The following LNX1 variants were observed in gnomAD, a reference collection of about 807,000 sequenced individuals.
LNX1 encodes E3 ubiquitin-protein ligase LNX.
LNX1 carries 54 observed loss-of-function variants against 68.4 expected under a neutral mutation model. That is an observed-to-expected ratio of 0.79 (90% CI 0.63 to 0.99). The LOEUF (loss-of-function observed/expected upper bound fraction) is 0.99, where lower values mean the gene tolerates loss of function less well. Among genes scored for constraint, LNX1 ranks in the 50% least tolerant of loss-of-function variants. The pLI, the probability that LNX1 is intolerant of heterozygous loss-of-function variation, is 0.00. For missense variants in LNX1, 906 were observed against 926.4 expected, an observed-to-expected ratio of 0.98 and a Z score of 0.29; for synonymous variants, 336 against 350.0, an observed-to-expected ratio of 0.96 and a Z score of 0.45.
chr4:53,485,535 C>T (rs1410691851), intron 6 of LNX1, among the ~76,000 whole-genome samples: 1 of 152,196 alleles, frequency 6.6e-6, no homozygotes, highest in African/African-American at 2.4e-5. Context: ...AATAACACTA[C>T]AATAAATAAT....
chr4:53,519,134 C>T (rs555815719), intron 2 of LNX1, among the ~76,000 whole-genome samples: 103 of 152,320 alleles, frequency 6.8e-4, no homozygotes, highest in African/African-American at 2.4e-3. Flanking sequence ...GCCCCTCTTC[C>T]TCTCCAAAAA....
intron 1 of LNX1, among the ~76,000 whole-genome samples, chr4:53,648,141 T>C (rs927720932): frequency 6.6e-6 from 1 of 152,254 alleles, no homozygotes; most frequent in Non-Finnish European, 1.5e-5. Context: ...TGCTGGGTCA[T>C]TGACAATTCT....
At chr4:53,504,746 T>C (rs1453474539) in intron 4 of LNX1, among the ~76,000 whole-genome samples, 3 of 152,234 alleles carry the variant, frequency 2.0e-5, no homozygotes, top group Non-Finnish European at 4.4e-5. Context: ...GTAGGGTTAC[T>C]AATTGGCTTA....
In LNX1 at chr4:53,566,278, C is replaced by T. The variant is rs1730683017; in HGVS notation, c.380+7345G>A. On this transcript the variant is annotated intron_variant, in intron 2 of 10. Transcript: ENST00000263925. The stretch of plus-strand genomic sequence containing the variant: ...GTCGGGTTACCCTCAAAGGGAAGCC[C>T]ATCAGACTAACAGCGGATCTCTCTG... 2.6e-5 allele frequency among the ~76,000 whole-genome samples: 4 copies of T among 151,304 alleles called. No individual in the cohort carries two copies. The South Asian group carries it at 8.3e-4, about 32-fold the overall frequency.
intron 2 of LNX1, among the ~76,000 whole-genome samples, chr4:53,568,980 G>A (rs1286877963): frequency 6.6e-6 from 1 of 151,324 alleles, no homozygotes; most frequent in African/African-American, 2.4e-5. Context: ...TCTTCAAGGA[G>A]AACTACAAAC....
chr4:53,561,350 C>T (rs1195061105), intron 2 of LNX1, among the ~76,000 whole-genome samples: 1 of 152,122 alleles, frequency 6.6e-6, no homozygotes, highest in Non-Finnish European at 1.5e-5. Flanking sequence ...GCCTCAGCCT[C>T]CCGAGTAGCT....
intron 2 of LNX1, chr4:53,539,153 C>G (rs1728580910): frequency 6.6e-6 from 1 of 152,216 alleles, no homozygotes; most frequent in African/African-American, 2.4e-5. Flanking sequence ...ATAAAAGGAG[C>G]TCAGTGTGCT....
At position 53,520,185 on chromosome 4, in the gene LNX1, C is replaced by T. The variant is rs1310907523; in HGVS notation, c.381-11958G>A. Among the ~76,000 whole-genome samples the T allele has an allele frequency of 2.0e-5, 3 of 152,190 alleles. No homozygotes were observed. The East Asian group carries it at 5.8e-4, about 29-fold the overall frequency. ...CACCCCCAAACTGCTGCTGAAGGCA[C>T]AGCCTCTCACAGCAACCCCTGCGGG... is the stretch of plus-strand genomic sequence containing the variant. On this transcript the variant is annotated intron_variant, in intron 2 of 10. Coordinates refer to ENST00000263925, the MANE Select transcript of LNX1 (RefSeq NM_001126328.3).
chr4:53,649,214 A>T, intron 1 of LNX1, among the ~76,000 whole-genome samples: 1 of 152,318 alleles, frequency 6.6e-6, no homozygotes, highest in South Asian at 2.1e-4. Context: ...CTTCTGCTTC[A>T]CCAGTGCCCT....
intron 2 of LNX1, among the ~76,000 whole-genome samples, chr4:53,562,459 C>G (rs1730355408): frequency 6.6e-6 from 1 of 152,186 alleles, no homozygotes; most frequent in African/African-American, 2.4e-5. Context: ...TAAAAGAGCT[C>G]TCTAGTCTGA....
chr4:53,541,233 G>A lies in LNX1; in HGVS notation c.380+32390C>T, dbSNP rs116199088. Among the ~76,000 whole-genome samples the A allele has an allele frequency of 9.4e-3, 1,424 of 152,144 alleles. 16 individuals are homozygous for A. Among genetic ancestry groups the A allele is most frequent in the Non-Finnish European group, 0.013 (911 of 68,006 alleles). On this transcript the variant is annotated intron_variant, in intron 2 of 10. Coordinates refer to ENST00000263925, the MANE Select transcript of LNX1 (RefSeq NM_001126328.3). Reference sequence around the variant, plus strand: ...TTCAGGATTCTCTAGTGAGTGGGTGGAGGTAACAACCAAGTTAGGATACCA... The same window carrying A: ...TTCAGGATTCTCTAGTGAGTGGGTGAAGGTAACAACCAAGTTAGGATACCA...
At chr4:53,617,267 G>A (rs1383288111) in exon 1 of LNX1, 10 of 152,112 alleles carry the variant, frequency 6.6e-5, no homozygotes, top group Non-Finnish European at 1.5e-4. Flanking sequence ...GGAAGAATCT[G>A]AGTCATATTT....
intron 1 of LNX1, among the ~76,000 whole-genome samples, chr4:53,638,106 GC>G (rs1211105449): frequency 2.6e-5 from 4 of 152,276 alleles, no homozygotes; most frequent in Admixed American, 6.5e-5. Context: ...ATGATATACT[GC>G]ATTAATACAA....
rs113915420 is a variant in LNX1 at position 53,640,242 on chromosome 4, C to T, written c.-215+11926G>A. On this transcript the variant is annotated intron_variant, in intron 1 of 2. Transcript: ENST00000507168. ...AAAACAAGAACGACTGTCAGGAAGG[C>T]GAGGAAGCACTGCCTAACAGAGCAT... is the stretch of plus-strand genomic sequence containing the variant. Among the ~76,000 whole-genome samples, 596 of 152,102 alleles carry T rather than the reference C, an allele frequency of 3.9e-3. 1 individual carries two copies. Among genetic ancestry groups the T allele is most frequent in the Admixed American group, 6.7e-3 (102 of 15,276 alleles).
chr4:53,596,104 A>T (rs1250676581), upstream of LNX1, among the ~76,000 whole-genome samples: 1 of 152,204 alleles, frequency 6.6e-6, no homozygotes, highest in Non-Finnish European at 1.5e-5. Flanking sequence ...TTGGCTAATT[A>T]TATGTGCTTA....
rs1721474016 is a variant in LNX1, at chr4:53,459,840, G to C, written c.*1067C>G. On this transcript the variant is annotated 3_prime_UTR_variant, in exon 11 of 11. Transcript: ENST00000263925. ...AGGCTGCATCACAAAAGGCAACAAAGGGCCCCTCTAAGGCTTGAGATTAAA... is the reference window on the plus strand; with the variant it reads ...AGGCTGCATCACAAAAGGCAACAAACGGCCCCTCTAAGGCTTGAGATTAAA... The C allele has an allele frequency of 3.9e-6, 1 of 255,998 alleles. No individual in the cohort carries two copies. The highest frequency in any genetic ancestry group is 2.2e-5 in the African/African-American group (1 of 45,200). The allele number at this position is 255,998 out of a possible 1,614,324, so 15.9% of individuals were successfully genotyped here.
At chr4:53,483,519 A>T in intron 6 of LNX1, among the ~76,000 whole-genome samples, 1 of 152,236 alleles carries the variant, frequency 6.6e-6, no homozygotes, top group East Asian at 1.9e-4. Flanking sequence ...AACTCACATA[A>T]ATAGAGCTCT....
intron 2 of LNX1, among the ~76,000 whole-genome samples, chr4:53,532,203 C>T (rs538164060): frequency 4.6e-5 from 7 of 152,330 alleles, no homozygotes; most frequent in East Asian, 1.9e-4. Context: ...TGGCTAGGCA[C>T]GGTGGCTCAT....
chr4:53,634,394 C>T (rs1734386813), intron 1 of LNX1, among the ~76,000 whole-genome samples: 1 of 152,140 alleles, frequency 6.6e-6, no homozygotes, highest in East Asian at 1.9e-4. Flanking sequence ...CAGGTGCACG[C>T]TGCCAGACCT....
Sources: gnomAD v4.1 joint callset for allele counts (sites outside exome capture counted in the v4.1 genomes callset) on GRCh38, gnomAD v4.1.1 for gene constraint, MANE v1.5 for transcripts, NCBI Gene and HGNC (gene_info 2026-07-23, HGNC 2026-07-21) for gene names.